Variants in ANKMY1 observed in about 807,000 individuals in gnomAD.
ANKMY1 encodes the protein ankyrin repeat and MYND domain-containing protein 1.
Under a neutral mutation model 102.0 loss-of-function variants are expected in ANKMY1, and 98 were observed. The ratio of observed to expected loss-of-function variants is 0.96; its 90% CI spans 0.82 to 1.14. The LOEUF (loss-of-function observed/expected upper bound fraction) is 1.14. Among genes scored for constraint, ANKMY1 ranks in the 50% most tolerant of loss-of-function variants. The pLI is 0.00. For missense variants in ANKMY1, 1,330 were observed against 1,347.6 expected (o/e 0.99, Z 0.20); for synonymous variants, 582 against 559.9 (o/e 1.04, Z -0.56).
chr2:240,544,901 T>G (rs1281892950), intron 4 of ANKMY1, among the ~76,000 whole-genome samples: 1 of 152,060 alleles, frequency 6.6e-6, no homozygotes, highest in South Asian at 2.1e-4. Flanking sequence ...CAGTCTGAGA[T>G]CAAACTGCAA....
chr2:240,514,034 G>A (rs1314127904), intron 9 of ANKMY1, among the ~76,000 whole-genome samples: 2 of 152,224 alleles, frequency 1.3e-5, no homozygotes, highest in African/African-American at 2.4e-5. Flanking sequence ...GGAGGCGCAC[G>A]GGGCCGTGCA....
chr2:240,487,098 C>A (rs1180225863), intron 15 of ANKMY1, among the ~76,000 whole-genome samples: 1 of 152,060 alleles, frequency 6.6e-6, no homozygotes, highest in Admixed American at 6.5e-5. Flanking sequence ...ATCTTTGTAC[C>A]CTTTAAACCT....
At chr2:240,556,392 G>A (rs775336096) in intron 2 of ANKMY1, among the ~76,000 whole-genome samples, 3 of 152,152 alleles carry the variant, frequency 2.0e-5, no homozygotes, top group Non-Finnish European at 2.9e-5. Flanking sequence ...TGAAGCCCTG[G>A]ACTGTGGACA....
upstream of ANKMY1, among the ~76,000 whole-genome samples, chr2:240,559,147 G>C (rs578012368): frequency 1.3e-5 from 2 of 152,192 alleles, no homozygotes; most frequent in East Asian, 3.9e-4. Context: ...GTGGCAATGA[G>C]ATGCAGAGAC....
In ANKMY1 at chr2:240,524,363, C is replaced by T; in HGVS notation, c.1354G>A (p.Val452Ile). 6.3e-6 allele frequency: 10 copies of T among 1,593,134 alleles called. No individual in the cohort carries two copies. The highest frequency in any genetic ancestry group is 8.6e-6 in the Non-Finnish European group (10 of 1,167,998). The change falls in exon 8 of 18, where the codon GTT (valine) becomes ATT (isoleucine). Residue 452 changes from valine to isoleucine, a missense_variant. By Grantham distance (29) the Val-to-Ile change is conservative. Coordinates refer to ENST00000401804, the MANE Select transcript of ANKMY1 (RefSeq NM_001282771.3). ...AATGATGATGAAAGGATTGGAACAA[C>T]TGGGAATTTTGGAGGTTCCTTTGGA... Reference protein sequence around the residue: ...PEPQEPPKFPVVPILSSSFMD... With the variant: ...PEPQEPPKFPIVPILSSSFMD...
chr2:240,554,788 C>G, intron 3 of ANKMY1, 78 bp downstream of exon 3: 1 of 1,529,636 alleles, frequency 6.5e-7, no homozygotes, highest in Non-Finnish European at 8.9e-7. Context: ...AAGTTCCCGT[C>G]CCATCACTCT....
At chr2:240,551,235 C>A (rs1257369084) in intron 4 of ANKMY1, among the ~76,000 whole-genome samples, 1 of 151,038 alleles carries the variant, frequency 6.6e-6, no homozygotes, top group Non-Finnish European at 1.5e-5. Context: ...CTATTCATAA[C>A]CTTGAAATAT....
At chr2:240,509,091 G>A (rs1258725655) in intron 12 of ANKMY1, among the ~76,000 whole-genome samples, 1 of 151,916 alleles carries the variant, frequency 6.6e-6, no homozygotes, top group Non-Finnish European at 1.5e-5. Context: ...ATGGATAAGT[G>A]GATGAGAAGT....
Position 240,520,686 on chromosome 2 carries a change from C to T in ANKMY1, c.1833-153G>A, listed in dbSNP as rs1389529604. Among the ~76,000 whole-genome samples, 1 of 151,864 alleles carries T rather than the reference C, an allele frequency of 6.6e-6. No homozygotes were observed. The highest frequency in any genetic ancestry group is 1.5e-5 in the Non-Finnish European group (1 of 67,928). On this transcript the variant is annotated intron_variant, in intron 8 of 17. Coordinates refer to ENST00000401804, the MANE Select transcript of ANKMY1 (RefSeq NM_001282771.3). This position sits in a 1 kb window ranked among gnomAD's most constrained non-coding sequence, Gnocchi z 4.8. ...ATCACACACACAGCACACACCCACA[C>T]ACGCAGACACACCACACAGCACACA...
At chr2:240,515,221 T>C (rs4420696) in intron 9 of ANKMY1, among the ~76,000 whole-genome samples, 52,405 of 152,110 alleles carry the variant, frequency 0.34, 9,819 homozygotes, top group African/African-American at 0.49. Context: ...GGGTTTTCTT[T>C]GAGATCTGAT....
chr2:240,510,690 G>A (rs2152189242), intron 11 of ANKMY1, among the ~76,000 whole-genome samples: 1 of 152,240 alleles, frequency 6.6e-6, no homozygotes, highest in South Asian at 2.1e-4. Flanking sequence ...GGGGCTCCTG[G>A]GAAAGGGACC....
In ANKMY1 at chr2:240,480,925, G is replaced by C; in HGVS notation, c.3046+12C>G. ...GCGGAACCCTTGCCTCCCAGCCTGAGGGCCGACCTACCGATGGCCACCAGG... is the reference window on the plus strand; with the variant it reads ...GCGGAACCCTTGCCTCCCAGCCTGACGGCCGACCTACCGATGGCCACCAGG... On this transcript the variant is annotated intron_variant, in intron 17 of 17. Transcript: ENST00000401804. 6.2e-7 allele frequency: 1 copy of C among 1,601,766 alleles called. No individual in the cohort carries two copies.
chr2:240,541,570 T>G (rs1449592593), intron 4 of ANKMY1, among the ~76,000 whole-genome samples: 1 of 145,638 alleles, frequency 6.9e-6, no homozygotes, highest in Non-Finnish European at 1.5e-5. Flanking sequence ...TGGCGCCATC[T>G]CAACTCACTG....
intron 4 of ANKMY1, 60 bp downstream of exon 4, chr2:240,552,854 C>T (rs1313063650): frequency 2.5e-6 from 4 of 1,610,448 alleles, no homozygotes; most frequent in Non-Finnish European, 3.4e-6. Flanking sequence ...TCTTTTTGTC[C>T]AGTGGCTTAG....
intron 4 of ANKMY1, among the ~76,000 whole-genome samples, chr2:240,551,189 T>C (rs893930757): frequency 6.6e-6 from 1 of 152,106 alleles, no homozygotes; most frequent in South Asian, 2.1e-4. Context: ...ATTCTTCTTT[T>C]GTCTTTCAGA....
intron 17 of ANKMY1, 102 bp downstream of exon 17, chr2:240,480,835 A>G: frequency 1.4e-6 from 2 of 1,433,644 alleles, no homozygotes; most frequent in Non-Finnish European, 1.9e-6. Context: ...GAATCTGGAG[A>G]GATTTTGGGA....
upstream of ANKMY1, among the ~76,000 whole-genome samples, chr2:240,558,857 C>T (rs2092694136): frequency 1.3e-5 from 2 of 152,166 alleles, no homozygotes; most frequent in African/African-American, 4.8e-5. Flanking sequence ...TTTTACACCA[C>T]GACCCAGTAC....
chr2:240,548,350 G>C (rs1399207686), intron 4 of ANKMY1, among the ~76,000 whole-genome samples: 1 of 152,184 alleles, frequency 6.6e-6, no homozygotes, highest in Non-Finnish European at 1.5e-5. Context: ...ATTAGGTATT[G>C]ATGGGACGTA....
chr2:240,543,210 G>A (rs1163866502), intron 4 of ANKMY1, among the ~76,000 whole-genome samples: 6 of 151,840 alleles, frequency 4.0e-5, no homozygotes, highest in African/African-American at 7.2e-5. Flanking sequence ...AAAATTAGCC[G>A]GGTGTGGTGG....
Sources: gnomAD v4.1 joint callset for allele counts (sites outside exome capture counted in the v4.1 genomes callset) on GRCh38, gnomAD v4.1.1 for gene constraint, Gnocchi (gnomAD v3.1) non-coding constraint, MANE v1.5 for transcripts, NCBI Gene and HGNC (gene_info 2026-07-23, HGNC 2026-07-21) for gene names.